PCNX2: variants seen among roughly 807,000 people sequenced by gnomAD.
The protein encoded by PCNX2 is pecanex 2, also known as pecanex-like protein 2.
PCNX2 carries 168 observed loss-of-function variants against 223.8 expected under a neutral mutation model. The ratio of observed to expected loss-of-function variants is 0.75; its 90% CI spans 0.66 to 0.85. PCNX2 has a LOEUF of 0.85. Among genes scored for constraint, PCNX2 ranks in the 40% least tolerant of loss-of-function variants. The probability of loss-of-function intolerance (pLI) is 0.00; values close to 1 mark genes in which losing one functional copy is unlikely to be tolerated. For synonymous variants in PCNX2, 1,006 were observed against 1,052.6 expected (o/e 0.96, Z 0.86); for missense variants, 2,507 against 2,675.5 (o/e 0.94, Z 1.39).
intron 21 of PCNX2, among the ~76,000 whole-genome samples, chr1:233,131,061 G>C (rs112891540): frequency 0.016 from 2,511 of 152,214 alleles, 65 homozygotes; most frequent in African/African-American, 0.057. Flanking sequence ...TCCTATATTT[G>C]GGCAGCTCCT....
chr1:233,140,964 C>T (rs949329481), intron 19 of PCNX2, among the ~76,000 whole-genome samples: 1 of 152,162 alleles, frequency 6.6e-6, no homozygotes, highest in Admixed American at 6.5e-5. Context: ...CCACAGCAAG[C>T]CTCAAAGCTT....
chr1:233,014,167 G>A (rs765712287), intron 28 of PCNX2, among the ~76,000 whole-genome samples: 1 of 152,190 alleles, frequency 6.6e-6, no homozygotes, highest in Non-Finnish European at 1.5e-5. Flanking sequence ...ACCCACTGAG[G>A]GGAGAGACCC....
chr1:233,293,940 G>A lies in PCNX2; in HGVS notation c.153+1386C>T, dbSNP rs112570213. On this transcript the variant is annotated intron_variant, in intron 1 of 33. Transcript: ENST00000258229. ...AAACCACTGGGGCCCATAGGCTAAG[G>A]AAAAATGGGTTAAGAAAAATGGTGC... 2.3e-4 allele frequency: 231 copies of A among 983,838 alleles called. No homozygotes were observed. In the African/African-American group the frequency reaches 3.8e-3, roughly 16 times the overall value. 60.9% of individuals were successfully genotyped at this position (983,838 alleles called of 1,614,324 possible).
intron 17 of PCNX2, among the ~76,000 whole-genome samples, chr1:233,177,439 A>T (rs1295533110): frequency 6.6e-6 from 1 of 152,232 alleles, no homozygotes; most frequent in African/African-American, 2.4e-5. Context: ...GCCAATGGAA[A>T]CCGGACACAG....
intron 8 of PCNX2, 122 bp from the exon 9 acceptor site, chr1:233,237,102 C>T: frequency 1.6e-6 from 2 of 1,240,786 alleles, no homozygotes; most frequent in Non-Finnish European, 2.2e-6. Context: ...ACTTTACAAC[C>T]TTACATAAAC....
rs1677011427 is a variant in PCNX2, at chr1:233,139,916, C to T, written c.3518-61G>A. ...CGATCAAAGTATTTTTCTTTAAGTA[C>T]AGGTAATAATAAGTAATATTCCCCC... On this transcript the variant is annotated intron_variant, in intron 19 of 33. Coordinates refer to ENST00000258229, the MANE Select transcript of PCNX2 (RefSeq NM_014801.4). The surrounding 1 kb of genome is among the most constrained non-coding windows in gnomAD (Gnocchi z 4.4). 2 of 1,563,264 alleles carry T rather than the reference C, an allele frequency of 1.3e-6. No homozygotes were observed. Among genetic ancestry groups the T allele is most frequent in the East Asian group, 2.3e-5 (1 of 44,362 alleles).
intron 26 of PCNX2, among the ~76,000 whole-genome samples, chr1:233,018,252 G>C (rs12021917): frequency 6.6e-6 from 1 of 151,356 alleles, no homozygotes; most frequent in South Asian, 2.1e-4. Context: ...TTGAACTCCT[G>C]GGCTCAAGCA....
intron 23 of PCNX2, among the ~76,000 whole-genome samples, chr1:233,080,401 AACACACACAC>A (rs10611197): frequency 1.2e-4 from 17 of 140,514 alleles, no homozygotes; most frequent in African/African-American, 2.5e-4. Flanking sequence ...CACACACACA[AACACACACAC>A]ACACACACAC....
chr1:232,994,751 T>C lies in PCNX2; in HGVS notation c.5791+3500A>G, dbSNP rs544934681. Among the ~76,000 whole-genome samples, 30 of 152,236 alleles carry C rather than the reference T, an allele frequency of 2.0e-4. No individual in the cohort carries two copies. The South Asian group carries it at 6.2e-3, about 32-fold the overall frequency. Reference sequence around the variant, plus strand: ...GGTGGTTTCCCCCAGGCTGTTTTTGTGATAGTGAGTGAGTTCTCATGAGAG... The same window carrying C: ...GGTGGTTTCCCCCAGGCTGTTTTTGCGATAGTGAGTGAGTTCTCATGAGAG... On this transcript the variant is annotated intron_variant, in intron 32 of 33. Coordinates refer to ENST00000258229, the MANE Select transcript of PCNX2 (RefSeq NM_014801.4).
Position 233,139,976 on chromosome 1 carries a change from G to T in PCNX2, c.3518-121C>A. On this transcript the variant is annotated intron_variant, in intron 19 of 33. Coordinates refer to ENST00000258229, the MANE Select transcript of PCNX2 (RefSeq NM_014801.4). The surrounding 1 kb of genome is among the most constrained non-coding windows in gnomAD (Gnocchi z 4.4). The stretch of plus-strand genomic sequence containing the variant: ...CAAAAGCTGCTAATTAAGAACTCGT[G>T]ATACTAGACATGATATACCATTTTT... The T allele has an allele frequency of 8.0e-7, 1 of 1,246,490 alleles. No individual in the cohort carries two copies. Among genetic ancestry groups the T allele is most frequent in the Non-Finnish European group, 1.1e-6 (1 of 914,522 alleles). The allele number at this position is 1,246,490 out of a possible 1,614,324, so 77.2% of individuals were successfully genotyped here.
chr1:233,102,310 T>C (rs1269005152), intron 21 of PCNX2, among the ~76,000 whole-genome samples: 1 of 152,200 alleles, frequency 6.6e-6, no homozygotes, highest in Non-Finnish European at 1.5e-5. Context: ...TTCCATATTT[T>C]GGCTGTTGTG....
At chr1:233,174,312 A>C (rs920072169) in intron 17 of PCNX2, among the ~76,000 whole-genome samples, 1 of 146,758 alleles carries the variant, frequency 6.8e-6, no homozygotes. Flanking sequence ...CAAACTATTA[A>C]TATTATTGAA....
At chr1:233,192,690 C>T (rs777968737) in intron 15 of PCNX2, among the ~76,000 whole-genome samples, 6 of 151,718 alleles carry the variant, frequency 4.0e-5, no homozygotes, top group Non-Finnish European at 7.4e-5. Context: ...TTATGAAGGT[C>T]GAATAATATG....
chr1:233,085,926 T>C (rs933313289), intron 23 of PCNX2, among the ~76,000 whole-genome samples: 4 of 152,174 alleles, frequency 2.6e-5, no homozygotes, highest in Non-Finnish European at 5.9e-5. Context: ...TCCTGACCCA[T>C]AGAAGCCATG....
At chr1:233,040,969 T>C (rs1189526261) in intron 25 of PCNX2, among the ~76,000 whole-genome samples, 3 of 152,180 alleles carry the variant, frequency 2.0e-5, no homozygotes, top group Admixed American at 6.5e-5. Context: ...ACTTCAACAA[T>C]CTTTGCACCC....
chr1:233,007,007 A>G (rs1395083423), intron 28 of PCNX2, among the ~76,000 whole-genome samples: 1 of 151,730 alleles, frequency 6.6e-6, no homozygotes, highest in African/African-American at 2.4e-5. Flanking sequence ...GCAACCATAC[A>G]CTGGTTTCGC....
chr1:233,156,529 G>A (rs1460409299), intron 19 of PCNX2, among the ~76,000 whole-genome samples: 6 of 152,126 alleles, frequency 3.9e-5, no homozygotes. Flanking sequence ...GGCACCAGTG[G>A]TTTCAAGTGG....
intron 1 of PCNX2, among the ~76,000 whole-genome samples, chr1:233,274,777 C>T (rs557591063): frequency 7.9e-5 from 12 of 152,266 alleles, no homozygotes; most frequent in African/African-American, 2.2e-4. Flanking sequence ...CACAGACATG[C>T]GGTATTTGAA....
chr1:233,090,152 T>C lies in PCNX2; in HGVS notation c.3985A>G (p.Ile1329Val), dbSNP rs760945764. ...AATGGGCTCAATGGGGTAGAAAAGA[T>C]TGATGTGGCAATCGTCTGAAAGAAA... is the stretch of plus-strand genomic sequence containing the variant. The part of the protein sequence containing the change: ...MLFFQTIATS[I>V]FSTPLSPFLG... Residue 1329 changes from isoleucine to valine, a missense_variant, in exon 23 of 34, where the codon ATC becomes GTC. This residue lies in a region of PCNX2 where 1,372 missense variants were observed against 1,509.4 expected (regional missense o/e 0.91). Transcript: ENST00000258229. 2.5e-6 allele frequency: 4 copies of C among 1,613,808 alleles called. No individual in the cohort carries two copies. The highest frequency in any genetic ancestry group is 3.4e-6 in the Non-Finnish European group (4 of 1,179,802).
Sources: gnomAD v4.1 joint callset for allele counts (sites outside exome capture counted in the v4.1 genomes callset) on GRCh38, gnomAD v4.1.1 for gene constraint, gnomAD v4.1.1 regional missense constraint, Gnocchi (gnomAD v3.1) non-coding constraint, MANE v1.5 for transcripts, NCBI Gene and HGNC (gene_info 2026-07-23, HGNC 2026-07-21) for gene names.